The following ZNF417 variants were observed in gnomAD, a reference collection of about 807,000 sequenced individuals.
The protein encoded by ZNF417 is zinc finger protein 417.
ZNF417 carries 5 observed loss-of-function variants against 7.4 expected under a neutral mutation model. The ratio of observed to expected loss-of-function variants is 0.68; its 90% CI spans 0.35 to 1.43. ZNF417 has a LOEUF of 1.43. Among genes scored for constraint, ZNF417 ranks in the 40% most tolerant of loss-of-function variants. The pLI, the probability that ZNF417 is intolerant of heterozygous loss-of-function variation, is 0.04. For synonymous variants in ZNF417, 147 were observed against 239.1 expected (o/e 0.61, Z 3.55); for missense variants, 437 against 697.3 (o/e 0.63, Z 4.20).
At position 57,908,281 on chromosome 19, in the gene ZNF417, G is replaced by A. The variant is rs1020552114; in HGVS notation, c.*269C>T. 2.4e-5 allele frequency: 13 copies of A among 532,422 alleles called. No homozygotes were observed. The highest frequency in any genetic ancestry group is 1.7e-4 in the South Asian group (8 of 47,010). 33.0% of individuals were successfully genotyped at this position (532,422 alleles called of 1,614,324 possible). ...TGGCCGGGCATGGTGTGGTGTACTC[G>A]TAATCTCAGCTCCTTGGGAGGCTGA... On this transcript the variant is annotated 3_prime_UTR_variant, in exon 3 of 3. Coordinates refer to ENST00000312026, the MANE Select transcript of ZNF417 (RefSeq NM_152475.3).
At chr19:57,910,183 A>C (rs1217659799) in intron 2 of ZNF417, 69 bp from the exon 3 acceptor site, 35 of 1,536,202 alleles carry the variant, frequency 2.3e-5, no homozygotes, top group Non-Finnish European at 2.9e-5. Flanking sequence ...ACCCACAAGT[A>C]CGTCTCACAA....
chr19:57,916,292 G>A (rs1169934328), intron 1 of ZNF417, 87 bp downstream of exon 1: 5 of 1,609,924 alleles, frequency 3.1e-6, no homozygotes, highest in African/African-American at 1.3e-5. Context: ...ACCGGCTACA[G>A]ACCCGTGAGC....
intron 1 of ZNF417, 70 bp downstream of exon 1, chr19:57,916,309 C>T: frequency 8.1e-6 from 13 of 1,613,088 alleles, no homozygotes; most frequent in Non-Finnish European, 1.1e-5. Flanking sequence ...GAGCAGGAGC[C>T]GCTCCCTCGC....
chr19:57,915,505 G>C (rs2071939886), intron 1 of ZNF417: 1 of 491,548 alleles, frequency 2.0e-6, no homozygotes, highest in East Asian at 5.6e-5. Flanking sequence ...GTCAGAAACA[G>C]GTGAAACCGT....
At position 57,915,226 on chromosome 19, in the gene ZNF417, A is replaced by G. The variant is rs114916341; in HGVS notation, c.33+1153T>C. The G allele has an allele frequency of 8.3e-3, 1,350 of 162,048 alleles. 25 individuals carry two copies. The highest frequency in any genetic ancestry group is 0.03 in the African/African-American group (1,267 of 41,686). The allele number at this position is 162,048 out of a possible 1,614,324, so 10.0% of individuals were successfully genotyped here. ...AACCTCCCAAGACCCCAAAGTCTTC[A>G]TCCTCTCTACGATATTCTTCCTTTG... On this transcript the variant is annotated intron_variant, in intron 1 of 2. Transcript: ENST00000312026.
intron 1 of ZNF417, among the ~76,000 whole-genome samples, chr19:57,915,094 C>G (rs1013461024): frequency 6.6e-6 from 1 of 152,162 alleles, no homozygotes; most frequent in Admixed American, 6.5e-5. Flanking sequence ...CCTCCCTGAA[C>G]CCTTTCTTGT....
At chr19:57,914,593 C>T (rs796676904) in intron 1 of ZNF417, among the ~76,000 whole-genome samples, 3 of 149,694 alleles carry the variant, frequency 2.0e-5, no homozygotes, top group South Asian at 4.4e-4. Context: ...ATCTGATCCA[C>T]TAACCCTCAC....
At position 57,905,838 on chromosome 19, in the gene ZNF417, A is replaced by T. The variant is rs2071819706; in HGVS notation, c.*2712T>A. 2.0e-5 allele frequency among the ~76,000 whole-genome samples: 3 copies of T among 152,254 alleles called. No individual in the cohort carries two copies. Among genetic ancestry groups the T allele is most frequent in the Non-Finnish European group, 1.5e-5 (1 of 68,048 alleles). On this transcript the variant is annotated 3_prime_UTR_variant, in exon 3 of 3. Coordinates refer to ENST00000312026, the MANE Select transcript of ZNF417 (RefSeq NM_152475.3). The stretch of plus-strand genomic sequence containing the variant: ...AAAAATTTCAACATATAAGTTGCAT[A>T]CAAGCAGGAAGATTTAACTTCATAA...
At position 57,906,002 on chromosome 19, in the gene ZNF417, T is replaced by C. The variant is rs1185674161; in HGVS notation, c.*2548A>G. Among the ~76,000 whole-genome samples, 2 of 152,182 alleles carry C rather than the reference T, an allele frequency of 1.3e-5. No homozygotes were observed. Among genetic ancestry groups the C allele is most frequent in the African/African-American group, 2.4e-5 (1 of 41,440 alleles). ...TTTTTTTGAGGCAGGGCCTTGCTCT[T>C]TTGCCCAGGCTAGAGTGCAGTGGTA... On this transcript the variant is annotated 3_prime_UTR_variant, in exon 3 of 3. Coordinates refer to ENST00000312026, the MANE Select transcript of ZNF417 (RefSeq NM_152475.3).
chr19:57,913,554 T>C lies in ZNF417; in HGVS notation c.34-1365A>G, dbSNP rs113874462. ...ACATGCACCAAGCTGAATGAAACTC[T>C]CCAGGCACTCCCAAAGTCATCTCAA... On this transcript the variant is annotated intron_variant, in intron 1 of 2. Transcript: ENST00000312026. Among the ~76,000 whole-genome samples the C allele has an allele frequency of 1.4e-3, 217 of 152,282 alleles. 1 individual carries two copies. The East Asian group carries it at 0.018, about 13-fold the overall frequency.
chr19:57,915,421 G>A (rs1321882791), intron 1 of ZNF417: 2 of 396,936 alleles, frequency 5.0e-6, no homozygotes, highest in South Asian at 2.5e-5. Flanking sequence ...CCATCCTCCC[G>A]GCTCCGTCCA....
At position 57,908,537 on chromosome 19, in the gene ZNF417, A is replaced by G; in HGVS notation, c.*13T>C. On this transcript the variant is annotated 3_prime_UTR_variant, in exon 3 of 3. Coordinates refer to ENST00000312026, the MANE Select transcript of ZNF417 (RefSeq NM_152475.3). ...GGGATGTTTCAGCAAACGATTTCCC[A>G]TATTCACTGCACTCATAAGGCCTTT... 3 of 1,612,936 alleles carry G rather than the reference A, an allele frequency of 1.9e-6. No individual in the cohort carries two copies. Among genetic ancestry groups the G allele is most frequent in the Non-Finnish European group, 2.5e-6 (3 of 1,178,866 alleles).
chr19:57,910,258 G>A, intron 2 of ZNF417, 144 bp from the exon 3 acceptor site: 1 of 1,468,298 alleles, frequency 6.8e-7, no homozygotes, highest in South Asian at 1.4e-5. Context: ...TGAAGATGGG[G>A]CTGCTGGCCG....
In ZNF417 at chr19:57,916,414, GACT is replaced by G. The variant is rs112150768; in HGVS notation, c.-6_-4del. 3.4e-4 allele frequency: 556 copies of G among 1,614,142 alleles called. 1 individual carries two copies. The African/African-American group carries it at 6.7e-3, about 19-fold the overall frequency. ...CGCCTCGGCGCAGCCGCTGCCATCG[GACT>G]ACTTGGGGAAGCACGGCCCGGGAGC... On this transcript the variant is annotated 5_prime_UTR_variant, in exon 1 of 3. Transcript: ENST00000312026.
intron 1 of ZNF417, among the ~76,000 whole-genome samples, chr19:57,915,855 T>C (rs1386575002): frequency 6.6e-6 from 1 of 152,156 alleles, no homozygotes; most frequent in Non-Finnish European, 1.5e-5. Flanking sequence ...TTGTAAAACC[T>C]AAGATCAGTG....
intron 1 of ZNF417, among the ~76,000 whole-genome samples, chr19:57,915,864 T>C (rs1479321663): frequency 6.6e-6 from 1 of 152,078 alleles, no homozygotes; most frequent in Admixed American, 6.5e-5. Context: ...CTAAGATCAG[T>C]GCTTGAGGTA....
At position 57,912,296 on chromosome 19, in the gene ZNF417, A is replaced by G. The variant is rs778775713; in HGVS notation, c.34-107T>C. ...CCATCCTCCTCCCAAGGTCCCCAAC[A>G]TAGTGTTGAAACTATGTCCACTAGT... On this transcript the variant is annotated intron_variant, in intron 1 of 2. Coordinates refer to ENST00000312026, the MANE Select transcript of ZNF417 (RefSeq NM_152475.3). 9.7e-6 allele frequency: 15 copies of G among 1,550,362 alleles called. No individual in the cohort carries two copies. The East Asian group carries it at 3.0e-4, about 31-fold the overall frequency.
chr19:57,916,272 T>C, intron 1 of ZNF417, 107 bp downstream of exon 1: 1 of 1,600,106 alleles, frequency 6.2e-7, no homozygotes, highest in East Asian at 2.2e-5. Flanking sequence ...TCAGTGTTCC[T>C]ACGCCGGGTA....
chr19:57,906,302 C>T lies in ZNF417; in HGVS notation c.*2248G>A, dbSNP rs1408889440. 6.6e-6 allele frequency among the ~76,000 whole-genome samples: 1 copy of T among 152,138 alleles called. No individual in the cohort carries two copies. Among genetic ancestry groups the T allele is most frequent in the East Asian group, 1.9e-4 (1 of 5,204 alleles). On this transcript the variant is annotated 3_prime_UTR_variant, in exon 3 of 3. Transcript: ENST00000312026. ...TACTGAGAATGAAGTATCACTATTT[C>T]ATGTATGTGCCTGTATGTGCTTATA...
Sources: gnomAD v4.1 joint callset for allele counts (sites outside exome capture counted in the v4.1 genomes callset) on GRCh38, gnomAD v4.1.1 for gene constraint, MANE v1.5 for transcripts, NCBI Gene and HGNC (gene_info 2026-07-23, HGNC 2026-07-21) for gene names.